The following LRIG1 variants were observed in gnomAD, a reference collection of about 807,000 sequenced individuals.
LRIG1 encodes leucine-rich repeats and immunoglobulin-like domains protein 1.
LRIG1 carries 48 observed loss-of-function variants against 99.2 expected under a neutral mutation model. The ratio of observed to expected loss-of-function variants is 0.48; its 90% CI spans 0.38 to 0.62. LRIG1 has a LOEUF of 0.62. Among genes scored for constraint, LRIG1 ranks in the 20% least tolerant of loss-of-function variants. The pLI is 0.00. For synonymous variants in LRIG1, 772 were observed against 596.1 expected (o/e 1.29, Z -4.30); for missense variants, 1,646 against 1,434.4 (o/e 1.15, Z -2.38).
chr3:66,464,744 C>G (rs1175722672), intron 1 of LRIG1, among the ~76,000 whole-genome samples: 2 of 152,136 alleles, frequency 1.3e-5, no homozygotes, highest in Non-Finnish European at 2.9e-5. Context: ...CCCTCACTTC[C>G]CACCCAGCAA....
chr3:66,478,621 A>G (rs1448717846), intron 1 of LRIG1, among the ~76,000 whole-genome samples: 1 of 152,170 alleles, frequency 6.6e-6, no homozygotes, highest in African/African-American at 2.4e-5. Context: ...ATAAACTCTG[A>G]CTAGAGGACT....
At chr3:66,405,318 G>A (rs201295159) in intron 8 of LRIG1, 40 bp from the exon 9 acceptor site, 1 of 1,529,770 alleles carries the variant, frequency 6.5e-7, no homozygotes, top group Non-Finnish European at 9.1e-7. Flanking sequence ...AGCAGTCGGG[G>A]CGTGAAGGGA....
At chr3:66,401,702 G>A (rs1038207336) in intron 9 of LRIG1, 3 of 1,509,320 alleles carry the variant, frequency 2.0e-6, no homozygotes, top group African/African-American at 2.8e-5. Context: ...AGAAAGGAGA[G>A]GCGGGATTAT....
chr3:66,395,997 G>A (rs1447393102), intron 11 of LRIG1, among the ~76,000 whole-genome samples: 1 of 152,272 alleles, frequency 6.6e-6, no homozygotes, highest in East Asian at 1.9e-4. Flanking sequence ...TATTCCATTT[G>A]AACCACAGGA....
Position 66,417,075 on chromosome 3 carries a change from TTAGC to T in LRIG1, c.503+50_503+53del, listed in dbSNP as rs1324118447. On this transcript the variant is annotated intron_variant, in intron 4 of 18. Transcript: ENST00000273261. ...CCAGAACTGGGTGCCGGTGAAGCTG[TTAGC>T]TGGCTGGACACAGCGGGCCAGCCAC... 6.2e-5 allele frequency: 99 copies of T among 1,598,530 alleles called. No individual in the cohort carries two copies. The Middle Eastern group carries it at 1.2e-3, about 20-fold the overall frequency.
chr3:66,420,409 A>G (rs1259363614), intron 3 of LRIG1, among the ~76,000 whole-genome samples: 1 of 152,218 alleles, frequency 6.6e-6, no homozygotes. Context: ...CATTATGGAG[A>G]TTCCTCAAAA....
chr3:66,480,535 C>A (rs539672135), intron 1 of LRIG1, among the ~76,000 whole-genome samples: 1 of 151,768 alleles, frequency 6.6e-6, no homozygotes, highest in South Asian at 2.1e-4. Flanking sequence ...CTGAAAATGC[C>A]ACCTAGCTAC....
At chr3:66,384,705 G>A (rs948950771) in intron 13 of LRIG1, among the ~76,000 whole-genome samples, 3 of 151,542 alleles carry the variant, frequency 2.0e-5, no homozygotes, top group Admixed American at 2.0e-4. Context: ...CGTTTGGATG[G>A]GTGTTCATGG....
At chr3:66,401,306 T>G (rs945253129) in intron 9 of LRIG1, among the ~76,000 whole-genome samples, 4 of 152,238 alleles carry the variant, frequency 2.6e-5, no homozygotes, top group African/African-American at 7.2e-5. Flanking sequence ...CATGGGGCAC[T>G]GCACCCCGAG....
chr3:66,398,984 T>A lies in LRIG1; in HGVS notation c.1218A>T (p.Glu406Asp). 1 of 1,614,178 alleles carries A rather than the reference T, an allele frequency of 6.2e-7. No homozygotes were observed. Among genetic ancestry groups the A allele is most frequent in the Non-Finnish European group, 8.5e-7 (1 of 1,180,006 alleles). ...SVAKRAFSGL[E>D]GLEHLNLGGN... ...GAGATACTCACAGGTGCTCCAGGCC[T>A]TCCAGCCCCGAGAATGCTCTCTTAG... is the stretch of plus-strand genomic sequence containing the variant. The change falls in exon 10 of 19, where the codon GAA becomes GAT. Residue 406 changes from glutamate (E) to aspartate (D), a missense_variant. Transcript: ENST00000273261.
chr3:66,382,858 C>G (rs762344596), intron 15 of LRIG1, 124 bp downstream of exon 15: 86 of 849,278 alleles, frequency 1.0e-4, no homozygotes, highest in Middle Eastern at 7.1e-4. Context: ...ATTAGTGGGA[C>G]TAAACCCTCA....
intron 16 of LRIG1, among the ~76,000 whole-genome samples, chr3:66,382,057 A>C (rs1436800279): frequency 6.6e-6 from 1 of 152,218 alleles, no homozygotes; most frequent in African/African-American, 2.4e-5. Context: ...TGCTAAGCCC[A>C]ATCCAGTGGC....
At chr3:66,486,114 G>C (rs944765574) in intron 1 of LRIG1, among the ~76,000 whole-genome samples, 1 of 152,166 alleles carries the variant, frequency 6.6e-6, no homozygotes, top group African/African-American at 2.4e-5. Context: ...AGATGGTGAT[G>C]ATCAGTTAAC....
intron 1 of LRIG1, among the ~76,000 whole-genome samples, chr3:66,478,027 A>G (rs977729656): frequency 8.5e-5 from 13 of 152,234 alleles, no homozygotes; most frequent in African/African-American, 2.9e-4. Flanking sequence ...AATGGCTTCA[A>G]GGCCGCATCA....
intron 16 of LRIG1, 120 bp from the exon 17 acceptor site, chr3:66,381,751 G>A: frequency 8.9e-7 from 1 of 1,119,534 alleles, no homozygotes; most frequent in Non-Finnish European, 1.3e-6. Flanking sequence ...CTTCAGAGCG[G>A]TGGGGCTGCT....
At chr3:66,414,124 G>T (rs1575672366) in intron 5 of LRIG1, among the ~76,000 whole-genome samples, 2 of 152,172 alleles carry the variant, frequency 1.3e-5, no homozygotes, top group Admixed American at 1.3e-4. Flanking sequence ...TCGGCCGGGT[G>T]CGGTGGCTCA....
At position 66,383,323 on chromosome 3, in the gene LRIG1, G is replaced by A. The variant is rs757878940; in HGVS notation, c.2150C>T (p.Thr717Met). The A allele has an allele frequency of 3.6e-5, 57 of 1,602,446 alleles. No individual in the cohort carries two copies. The highest frequency in any genetic ancestry group is 3.4e-4 in the East Asian group (15 of 44,586). ...GGTGATGCGGGGCGGAGGGTTCCCC[G>A]TGGCTTTGCATTGGAGGGCCACTGT... is the stretch of plus-strand genomic sequence containing the variant. ...GETVALQCKA[T>M]GNPPPRITWF... The change falls in exon 15 of 19, where the codon ACG becomes ATG. Residue 717 changes from threonine to methionine, a missense_variant. By Grantham distance (81) the Thr-to-Met change is moderately conservative (BLOSUM62 -1). Coordinates refer to ENST00000273261, the MANE Select transcript of LRIG1 (RefSeq NM_015541.3).
chr3:66,395,579 C>T (rs1232763015), intron 11 of LRIG1, among the ~76,000 whole-genome samples: 1 of 152,294 alleles, frequency 6.6e-6, no homozygotes, highest in South Asian at 2.1e-4. Context: ...GGGATGCTGG[C>T]CCATATTAGA....
At chr3:66,410,006 G>A (rs1702412059) in intron 7 of LRIG1, 123 bp downstream of exon 7, 19 of 1,019,576 alleles carry the variant, frequency 1.9e-5, no homozygotes, top group Non-Finnish European at 2.7e-5. Flanking sequence ...TGGGAACAGG[G>A]CTACTGGCCT....
Sources: allele counts gnomAD v4.1 joint callset (sites outside exome capture counted in the v4.1 genomes callset), GRCh38; gene constraint gnomAD v4.1.1; transcripts MANE v1.5; gene names NCBI Gene and HGNC (gene_info 2026-07-23, HGNC 2026-07-21).